Variants in RAI1 observed in about 807,000 individuals in gnomAD.
The protein encoded by RAI1 is retinoic acid-induced protein 1.
In RAI1, 9 loss-of-function variants were observed where a neutral mutation model predicts 123.8. That is an observed-to-expected ratio of 0.07 (90% CI 0.04 to 0.13). The LOEUF (loss-of-function observed/expected upper bound fraction) is 0.13. RAI1 is among the 10% of genes least tolerant of loss of function. The pLI is 1.00. For missense variants in RAI1, 2,256 were observed against 2,545.8 expected (o/e 0.89, Z 2.45); for synonymous variants, 1,231 against 1,127.3 (o/e 1.09, Z -1.84).
intron 2 of RAI1, among the ~76,000 whole-genome samples, chr17:17,762,288 AGGAT>A (rs1395302160): frequency 6.6e-6 from 1 of 152,090 alleles, no homozygotes; most frequent in East Asian, 1.9e-4. Flanking sequence ...AAGACCCAGG[AGGAT>A]GGCGTCCCAG....
intron 2 of RAI1, among the ~76,000 whole-genome samples, chr17:17,733,887 C>T (rs1916342617): frequency 6.6e-6 from 1 of 152,214 alleles, no homozygotes; most frequent in South Asian, 2.1e-4. Context: ...GAAGGCCTGG[C>T]TGCTCCTGGG....
intron 2 of RAI1, 56 bp from the exon 3 acceptor site, chr17:17,792,877 G>GCCCA: frequency 1.3e-6 from 1 of 762,950 alleles, no homozygotes; most frequent in Non-Finnish European, 2.0e-6. Flanking sequence ...CCCCCTCCCT[G>GCCCA]CCCATCCTCC....
chr17:17,803,933 C>A, intron 4 of RAI1, 84 bp downstream of exon 4: 1 of 1,290,790 alleles, frequency 7.7e-7, no homozygotes, highest in Non-Finnish European at 1.1e-6. Context: ...GCTCCCCAAA[C>A]CCAGGCCCCA....
At chr17:17,788,497 T>A (rs1258074661) in intron 2 of RAI1, among the ~76,000 whole-genome samples, 2 of 152,162 alleles carry the variant, frequency 1.3e-5, no homozygotes, top group Admixed American at 1.3e-4. Context: ...TTCCACCTTC[T>A]CCACCCCTGC....
intron 2 of RAI1, among the ~76,000 whole-genome samples, chr17:17,770,013 G>A (rs1167562999): frequency 6.6e-6 from 1 of 152,164 alleles, no homozygotes; most frequent in Non-Finnish European, 1.5e-5. Flanking sequence ...CCCTGCCCAG[G>A]GTGACAGGGC....
At position 17,793,025 on chromosome 17, in the gene RAI1, G is replaced by C; in HGVS notation, c.77G>C (p.Arg26Pro). The change falls in exon 3 of 6, where the codon CGC becomes CCC. Residue 26 changes from arginine to proline, a missense_variant. Transcript: ENST00000353383. ...NYQQTSQETS[R>P]LENYRQPSQA... is the part of the protein sequence containing the mutation. Reference sequence around the variant, plus strand: ...CAGCAGACCTCGCAGGAAACATCACGCCTAGAGAATTACAGGCAGCCGAGT... The same window carrying C: ...CAGCAGACCTCGCAGGAAACATCACCCCTAGAGAATTACAGGCAGCCGAGT... The C allele has an allele frequency of 6.2e-7, 1 of 1,614,098 alleles. No individual in the cohort carries two copies. The highest frequency in any genetic ancestry group is 1.1e-5 in the South Asian group (1 of 91,086).
chr17:17,788,007 A>G (rs542120265), intron 2 of RAI1, among the ~76,000 whole-genome samples: 5 of 152,204 alleles, frequency 3.3e-5, no homozygotes, highest in South Asian at 2.1e-4. Flanking sequence ...GGCTCCCCCA[A>G]CCTCAACTGA....
At chr17:17,780,067 A>T (rs1598075093) in intron 2 of RAI1, among the ~76,000 whole-genome samples, 1 of 22,378 alleles carries the variant, frequency 4.5e-5, no homozygotes. Context: ...GAGCCACTCC[A>T]CCCAGGCTTT....
Position 17,796,852 on chromosome 17 carries a change from C to T in RAI1, c.3904C>T (p.Leu1302Phe). Residue 1302 changes from leucine (L) to phenylalanine (F), a missense_variant, in exon 3 of 6, where the codon CTC becomes TTC. Around this residue, in one of 7 missense-constraint regions of RAI1, gnomAD observed 322 missense variants for 358.0 expected, o/e 0.90. Transcript: ENST00000353383. This position sits in a 1 kb window ranked among gnomAD's most constrained non-coding sequence, Gnocchi z 5.8. Reference sequence around the variant, plus strand: ...ACCCCCGGAGACCCCCGATGCCTGCCTCAAGCTCGCCTCTCGGGCAGCCTT... The same window carrying T: ...ACCCCCGGAGACCCCCGATGCCTGCTTCAAGCTCGCCTCTCGGGCAGCCTT... ...LPPPETPDAC[L>F]KLASRAAFQG... The T allele has an allele frequency of 1.2e-6, 2 of 1,612,780 alleles. No homozygotes were observed. Among genetic ancestry groups the T allele is most frequent in the East Asian group, 2.2e-5 (1 of 44,868 alleles).
chr17:17,763,893 C>A (rs979663507), intron 2 of RAI1, among the ~76,000 whole-genome samples: 1 of 152,254 alleles, frequency 6.6e-6, no homozygotes, highest in Non-Finnish European at 1.5e-5. Context: ...AAACTGCTCA[C>A]TGATGTCACT....
intron 1 of RAI1, among the ~76,000 whole-genome samples, chr17:17,688,235 A>G (rs1182933286): frequency 6.6e-6 from 1 of 151,898 alleles, no homozygotes; most frequent in African/African-American, 2.4e-5. Flanking sequence ...CTATAATCCC[A>G]GCACTTTGGG....
chr17:17,724,164 T>C lies in RAI1; in HGVS notation c.-17+5T>C, dbSNP rs753206587. On this transcript the variant is annotated splice_donor_5th_base_variant and intron_variant, in intron 2 of 5. Coordinates refer to ENST00000353383, the MANE Select transcript of RAI1 (RefSeq NM_030665.4). The stretch of plus-strand genomic sequence containing the variant: ...AGACCCAGGAGGAGCCCGCAGGTAT[T>C]GTTGGCGGCGGAGCTTTGTGTTTTC... The C allele has an allele frequency of 2.6e-5, 4 of 151,418 alleles. No homozygotes were observed. The highest frequency in any genetic ancestry group is 7.3e-5 in the African/African-American group (3 of 41,102). 9.4% of individuals were successfully genotyped at this position (151,418 alleles called of 1,614,324 possible).
intron 2 of RAI1, among the ~76,000 whole-genome samples, chr17:17,725,342 C>T (rs1168559214): frequency 6.6e-6 from 1 of 152,152 alleles, no homozygotes; most frequent in Non-Finnish European, 1.5e-5. Flanking sequence ...TTGTCTCCTG[C>T]GATCCTCAGC....
At chr17:17,806,529 T>C (rs936863148) in intron 4 of RAI1, among the ~76,000 whole-genome samples, 3 of 151,996 alleles carry the variant, frequency 2.0e-5, no homozygotes, top group African/African-American at 7.3e-5. Context: ...GCAAATGGAG[T>C]ATTAGCTGCT....
Position 17,797,844 on chromosome 17 carries a change from C to G in RAI1, c.4896C>G (p.Ser1632=). 6.2e-7 allele frequency: 1 copy of G among 1,614,060 alleles called. No homozygotes were observed. The highest frequency in any genetic ancestry group is 8.5e-7 in the Non-Finnish European group (1 of 1,180,034). ...KPHRKPSSSA[S]SSSSSSSFSL... is the part of the protein sequence containing the mutation. Reference sequence around the variant, plus strand: ...ACAGGAAGCCTTCCTCCTCTGCCTCCTCTTCCTCATCCTCGTCCTCGTTCT... The same window carrying G: ...ACAGGAAGCCTTCCTCCTCTGCCTCGTCTTCCTCATCCTCGTCCTCGTTCT... The change falls in exon 3 of 6, where the codon TCC becomes TCG. Residue 1632 remains serine, a synonymous_variant. Transcript: ENST00000353383.
chr17:17,727,853 C>T (rs528335714), intron 2 of RAI1, among the ~76,000 whole-genome samples: 4 of 152,130 alleles, frequency 2.6e-5, no homozygotes, highest in South Asian at 2.1e-4. Context: ...GGAGACCCCC[C>T]GGGGAGAAGG....
At chr17:17,784,903 G>GC (rs139051688) in intron 2 of RAI1, among the ~76,000 whole-genome samples, 1 of 152,234 alleles carries the variant, frequency 6.6e-6, no homozygotes, top group African/African-American at 2.4e-5. Context: ...GCTCTTTGCA[G>GC]CCCCCCAGTC....
At chr17:17,784,981 C>T (rs1185464294) in intron 2 of RAI1, among the ~76,000 whole-genome samples, 1 of 152,088 alleles carries the variant, frequency 6.6e-6, no homozygotes, top group East Asian at 1.9e-4. Flanking sequence ...TTCTTCCAGC[C>T]TTCCCTGATC....
At chr17:17,688,409 C>CG (rs1363590580) in intron 1 of RAI1, among the ~76,000 whole-genome samples, 1 of 151,742 alleles carries the variant, frequency 6.6e-6, no homozygotes, top group Non-Finnish European at 1.5e-5. Flanking sequence ...ACTTGAACCC[C>CG]GGGGGGTGGA....
Sources: allele counts gnomAD v4.1 joint callset (sites outside exome capture counted in the v4.1 genomes callset), GRCh38; gene constraint gnomAD v4.1.1; regional missense constraint gnomAD v4.1.1; non-coding constraint Gnocchi (gnomAD v3.1); transcripts MANE v1.5; gene names NCBI Gene and HGNC (gene_info 2026-07-23, HGNC 2026-07-21).